Variants in NEDD4 observed in about 807,000 individuals in gnomAD.
NEDD4 encodes the protein E3 ubiquitin-protein ligase NEDD4.
A neutral mutation model predicts 144.9 loss-of-function variants in NEDD4; 99 were observed. That is an observed-to-expected ratio of 0.68 (90% confidence interval 0.58 to 0.81). NEDD4 has a LOEUF of 0.81. Ranked by LOEUF, NEDD4 falls within the 30% of genes least tolerant of loss-of-function variation. The pLI is 0.00. For synonymous variants in NEDD4, 318 were observed against 350.6 expected (o/e 0.91, Z 1.04); for missense variants, 985 against 1,065.9 (o/e 0.92, Z 1.06).
chr15:55,914,377 T>A (rs565224502), intron 5 of NEDD4, among the ~76,000 whole-genome samples: 1 of 151,998 alleles, frequency 6.6e-6, no homozygotes, highest in East Asian at 1.9e-4. Context: ...AAAAAATCTA[T>A]TTCAGTTCAA....
rs1346057409 is a variant in NEDD4 at position 55,827,874 on chromosome 15, G to T, written c.*2023C>A. On this transcript the variant is annotated 3_prime_UTR_variant, in exon 29 of 29. Coordinates refer to ENST00000435532, the MANE Select transcript of NEDD4 (RefSeq NM_006154.4). ...GGTCAGCACAAAGCACCTTCTGATTGTATAACACTTTACAAAGTACTTTTT... is the reference window on the plus strand; with the variant it reads ...GGTCAGCACAAAGCACCTTCTGATTTTATAACACTTTACAAAGTACTTTTT... 5 of 152,166 alleles carry T rather than the reference G, an allele frequency of 3.3e-5. No homozygotes were observed. Among genetic ancestry groups the T allele is most frequent in the Admixed American group, 2.0e-4 (3 of 15,270 alleles). 9.4% of individuals were successfully genotyped at this position (152,166 alleles called of 1,614,324 possible). A position where few individuals can be genotyped will look rare whatever the true frequency, so the allele number is the denominator to read the frequency against.
chr15:55,908,782 G>C (rs1248950350), intron 5 of NEDD4, among the ~76,000 whole-genome samples: 5 of 152,146 alleles, frequency 3.3e-5, no homozygotes, highest in African/African-American at 1.2e-4. Context: ...CAGTGCACCT[G>C]TAGTCCCAGC....
At chr15:55,930,475 T>C (rs2036757817) in intron 4 of NEDD4, among the ~76,000 whole-genome samples, 1 of 152,212 alleles carries the variant, frequency 6.6e-6, no homozygotes, top group South Asian at 2.1e-4. Flanking sequence ...AAAATCACTC[T>C]AGGTGACCTT....
At chr15:55,848,784 G>T in intron 15 of NEDD4, 22 bp downstream of exon 15, 2 of 1,599,044 alleles carry the variant, frequency 1.3e-6, no homozygotes, top group East Asian at 2.2e-5. Flanking sequence ...AGTTAGATGG[G>T]TTAGCATTTC....
At chr15:55,967,476 A>C (rs11071235) in intron 1 of NEDD4, among the ~76,000 whole-genome samples, 1 of 130,078 alleles carries the variant, frequency 7.7e-6, no homozygotes, top group African/African-American at 2.9e-5. Context: ...GTGTGTGTGT[A>C]TGTGTGTGTA....
rs2037869628 is a variant in NEDD4, at chr15:55,985,166, G to A, written c.45+8345C>T. On this transcript the variant is annotated intron_variant, in intron 1 of 28. Coordinates refer to ENST00000435532, the MANE Select transcript of NEDD4 (RefSeq NM_006154.4). ...TGATTTATTTACAAGGTCTCTTCCA[G>A]CTCAAAGATTCTACTCCTATGTGAT... 2.6e-5 allele frequency among the ~76,000 whole-genome samples: 4 copies of A among 152,192 alleles called. No homozygotes were observed. The South Asian group carries it at 8.3e-4, about 31-fold the overall frequency.
intron 11 of NEDD4, 118 bp from the exon 12 acceptor site, chr15:55,856,314 G>A (rs1454022574): frequency 9.3e-6 from 8 of 859,774 alleles, no homozygotes; most frequent in South Asian, 4.5e-5. Context: ...TGGCTAGGAT[G>A]CAAATGTTGA....
intron 1 of NEDD4, among the ~76,000 whole-genome samples, chr15:55,991,529 A>C (rs12911653): frequency 0.062 from 9,369 of 152,244 alleles, 372 homozygotes; most frequent in East Asian, 0.16. Flanking sequence ...TGAATAATCC[A>C]ATTACAATGG....
intron 12 of NEDD4, among the ~76,000 whole-genome samples, chr15:55,854,744 A>G (rs1408402440): frequency 6.6e-6 from 1 of 152,136 alleles, no homozygotes; most frequent in Non-Finnish European, 1.5e-5. Context: ...GGTGGATTTT[A>G]TGGTATGTAA....
At chr15:55,861,745 T>C (rs1213780625) in intron 9 of NEDD4, among the ~76,000 whole-genome samples, 1 of 152,176 alleles carries the variant, frequency 6.6e-6, no homozygotes, top group Non-Finnish European at 1.5e-5. Flanking sequence ...TTATTCTAAT[T>C]ATTTGCATTT....
chr15:55,840,312 T>A lies in NEDD4; in HGVS notation c.2031+135A>T, dbSNP rs192747995. The A allele has an allele frequency of 3.2e-3, 2,604 of 804,166 alleles. 19 individuals carry two copies. The highest frequency in any genetic ancestry group is 2.3e-3 in the Non-Finnish European group (1,246 of 530,822). 49.8% of individuals were successfully genotyped at this position (804,166 alleles called of 1,614,324 possible). A position where few individuals can be genotyped will look rare whatever the true frequency, so the allele number is the denominator to read the frequency against. On this transcript the variant is annotated intron_variant, in intron 21 of 28. Transcript: ENST00000435532. The stretch of plus-strand genomic sequence containing the variant: ...GTTAGAAAATTTTCATAATAAAATG[T>A]TGAGGAAAAAGTTCATTTGTATTTT...
chr15:55,916,657 C>G, intron 5 of NEDD4: 2 of 1,614,004 alleles, frequency 1.2e-6, no homozygotes, highest in Non-Finnish European at 1.7e-6. Context: ...ATTAACGGAG[C>G]TAGTGCAGTC....
chr15:55,874,140 AAAAT>A (rs2034908027), intron 5 of NEDD4, 132 bp from the exon 6 acceptor site: 4 of 476,986 alleles, frequency 8.4e-6, no homozygotes, highest in African/African-American at 5.9e-5. Flanking sequence ...GCATCAATGG[AAAAT>A]AAAAAGTAAT....
At chr15:55,842,281 G>A (rs1385172878) in intron 18 of NEDD4, 118 bp from the exon 19 acceptor site, 14 of 796,692 alleles carry the variant, frequency 1.8e-5, no homozygotes, top group East Asian at 5.3e-5. Context: ...TTTTCCTTAC[G>A]TAATATACTC....
chr15:55,975,095 G>A lies in NEDD4; in HGVS notation c.46-8549C>T, dbSNP rs572073589. On this transcript the variant is annotated intron_variant, in intron 1 of 28. Coordinates refer to ENST00000435532, the MANE Select transcript of NEDD4 (RefSeq NM_006154.4). Reference sequence around the variant, plus strand: ...TTTAGTAGAGACAGGGTTTCACCACGTTAGCCAGGCTGGTCTCAAACTCCT... The same window carrying A: ...TTTAGTAGAGACAGGGTTTCACCACATTAGCCAGGCTGGTCTCAAACTCCT... Among the ~76,000 whole-genome samples, 13 of 151,780 alleles carry A rather than the reference G, an allele frequency of 8.6e-5. No homozygotes were observed. The South Asian group carries it at 2.5e-3, about 29-fold the overall frequency.
At position 55,830,381 on chromosome 15, in the gene NEDD4, C is replaced by T; in HGVS notation, c.2600+133G>A. 7 of 808,936 alleles carry T rather than the reference C, an allele frequency of 8.7e-6. No homozygotes were observed. The East Asian group carries it at 1.7e-4, about 20-fold the overall frequency. The allele number at this position is 808,936 out of a possible 1,614,324, so 50.1% of individuals were successfully genotyped here. On this transcript the variant is annotated intron_variant, in intron 28 of 28. Coordinates refer to ENST00000435532, the MANE Select transcript of NEDD4 (RefSeq NM_006154.4). ...AAAACACCTGTTCGTTGGGTGTCAC[C>T]AACTCCTTCTTACCCATAATCCATA...
At chr15:55,927,257 A>G (rs1371685880) in intron 4 of NEDD4, among the ~76,000 whole-genome samples, 3 of 152,086 alleles carry the variant, frequency 2.0e-5, no homozygotes, top group African/African-American at 7.2e-5. Flanking sequence ...ATGAGAAAAG[A>G]AGGCATGGGG....
intron 13 of NEDD4, among the ~76,000 whole-genome samples, chr15:55,851,168 C>T (rs1370053737): frequency 2.0e-5 from 3 of 152,026 alleles, no homozygotes; most frequent in Non-Finnish European, 4.4e-5. Context: ...ATTCCTCATA[C>T]ACAGAAGTAG....
intron 18 of NEDD4, among the ~76,000 whole-genome samples, chr15:55,845,950 T>TA (rs2033724493): frequency 6.6e-6 from 1 of 151,956 alleles, no homozygotes; most frequent in African/African-American, 2.4e-5. Context: ...CACACCTAAC[T>TA]AATTTTTGTA....
Sources: allele counts gnomAD v4.1 joint callset (sites outside exome capture counted in the v4.1 genomes callset), GRCh38; gene constraint gnomAD v4.1.1; transcripts MANE v1.5; gene names NCBI Gene and HGNC (gene_info 2026-07-23, HGNC 2026-07-21).